The following INSR variants were observed in gnomAD, a reference collection of about 807,000 sequenced individuals.
INSR encodes IR.
INSR carries 67 observed loss-of-function variants against 142.6 expected under a neutral mutation model. The observed-to-expected ratio is 0.47, with a 90% CI of 0.39 to 0.58. INSR has a LOEUF of 0.58. Among genes scored for constraint, INSR ranks in the 20% least tolerant of loss-of-function variants. INSR has a pLI of 0.00. For missense variants in INSR, 1,248 were observed against 1,833.2 expected (o/e 0.68, Z 5.83); for synonymous variants, 756 against 743.1 (o/e 1.02, Z -0.28).
intron 9 of INSR, among the ~76,000 whole-genome samples, chr19:7,153,293 GCA>G (rs1973473371): frequency 3.3e-3 from 11 of 3,288 alleles, no homozygotes; most frequent in South Asian, 0.029. Flanking sequence ...ACCACACACC[GCA>G]CACACACCAC....
chr19:7,193,633 T>G (rs1205902697), intron 2 of INSR, among the ~76,000 whole-genome samples: 1 of 152,172 alleles, frequency 6.6e-6, no homozygotes, highest in Admixed American at 6.5e-5. Context: ...GTATGTGTAC[T>G]ATCCTGTCAA....
In INSR at chr19:7,152,804, TGA is replaced by T; in HGVS notation, c.2151_2152del (p.Gln718AspfsTer11). 6.2e-7 allele frequency: 1 copy of T among 1,613,572 alleles called. No individual in the cohort carries two copies. The highest frequency in any genetic ancestry group is 8.5e-7 in the Non-Finnish European group (1 of 1,179,944). Reference sequence around the variant, plus strand: ...GGACTCCTCCAGCTCCTTCAGGATCTGAGAGTCTGTCTTTGGACAGGAGCAGC... The same window carrying T: ...GGACTCCTCCAGCTCCTTCAGGATCTGAGTCTGTCTTTGGACAGGAGCAGC... On this transcript the variant is annotated frameshift_variant, in exon 10 of 22. Coordinates refer to ENST00000302850, the MANE Select transcript of INSR (RefSeq NM_000208.4). LOFTEE classifies it high-confidence loss of function.
chr19:7,195,425 T>C (rs1599984686), intron 2 of INSR, among the ~76,000 whole-genome samples: 1 of 151,986 alleles, frequency 6.6e-6, no homozygotes, highest in South Asian at 2.1e-4. Context: ...GGAAGATCAC[T>C]GGAGATCAGG....
At chr19:7,263,214 G>A (rs1977118134) in intron 2 of INSR, among the ~76,000 whole-genome samples, 2 of 151,964 alleles carry the variant, frequency 1.3e-5, no homozygotes, top group African/African-American at 4.8e-5. Flanking sequence ...AGGAGGCGGA[G>A]GTTGCAGTGA....
Position 7,141,778 on chromosome 19 carries a change from T to G in INSR, c.2581A>C (p.Ile861Leu). ...DDIVGPVTHE[I>L]FENNVVHLMW... Reference sequence around the variant, plus strand: ...AAGTGGACGACGTTGTTCTCAAAGATTTCATGCGTCACAGGGCCAACAATG... The same window carrying G: ...AAGTGGACGACGTTGTTCTCAAAGAGTTCATGCGTCACAGGGCCAACAATG... Residue 861 changes from isoleucine to leucine, a missense_variant, in exon 13 of 22, where the codon ATC (isoleucine) becomes CTC (leucine). By Grantham distance (5) the Ile-to-Leu change is conservative (BLOSUM62 2). Coordinates refer to ENST00000302850, the MANE Select transcript of INSR (RefSeq NM_000208.4). 1 of 1,614,182 alleles carries G rather than the reference T, an allele frequency of 6.2e-7. No homozygotes were observed. The highest frequency in any genetic ancestry group is 8.5e-7 in the Non-Finnish European group (1 of 1,180,028).
intron 2 of INSR, among the ~76,000 whole-genome samples, chr19:7,222,954 G>A (rs1379149823): frequency 6.6e-6 from 1 of 152,142 alleles, no homozygotes; most frequent in Non-Finnish European, 1.5e-5. Context: ...AGACTAAGGA[G>A]GGCGGATCAC....
At chr19:7,186,440 T>C (rs1434197654) in intron 2 of INSR, among the ~76,000 whole-genome samples, 1 of 152,178 alleles carries the variant, frequency 6.6e-6, no homozygotes, top group African/African-American at 2.4e-5. Flanking sequence ...GGCTTCTGAA[T>C]GTGCTTAGTG....
chr19:7,121,573 C>T (rs1183682989), intron 19 of INSR, among the ~76,000 whole-genome samples: 1 of 151,858 alleles, frequency 6.6e-6, no homozygotes, highest in Non-Finnish European at 1.5e-5. Flanking sequence ...CTCAAGCAAT[C>T]CTCCCACCCC....
intron 4 of INSR, 102 bp from the exon 5 acceptor site, chr19:7,172,536 G>T: frequency 7.9e-7 from 1 of 1,259,274 alleles, no homozygotes; most frequent in Non-Finnish European, 1.1e-6. Flanking sequence ...CAAATGACTG[G>T]ACATACCCAG....
Position 7,168,869 on chromosome 19 carries a change from G to A in INSR, c.1484-775C>T, listed in dbSNP as rs1973947851. On this transcript the variant is annotated intron_variant, in intron 6 of 21. Coordinates refer to ENST00000302850, the MANE Select transcript of INSR (RefSeq NM_000208.4). This position sits in a 1 kb window ranked among gnomAD's most constrained non-coding sequence, Gnocchi z 4.3. ...TCTGCCTGCCTCGGCCTCCCAGAGT[G>A]CTGGGATTCCAGGCGTGAGCCACCA... Among the ~76,000 whole-genome samples the A allele has an allele frequency of 6.6e-6, 1 of 152,078 alleles. No individual in the cohort carries two copies. Among genetic ancestry groups the A allele is most frequent in the Non-Finnish European group, 1.5e-5 (1 of 68,008 alleles).
In INSR at chr19:7,192,264, AAAGAAAAGAAAAG is replaced by A. The variant is rs946701238; in HGVS notation, c.653-7640_653-7628del. ...GGGAGGGAGGGAAGAAAAGAAAAGA[AAAGAAAAGAAAAG>A]AAAAGAAAAGAAAAGAAAAGAAAAG... On this transcript the variant is annotated intron_variant, in intron 2 of 21. Transcript: ENST00000302850. This position sits in a 1 kb window ranked among gnomAD's most constrained non-coding sequence, Gnocchi z 4.2. 4.0e-5 allele frequency among the ~76,000 whole-genome samples: 1 copy of A among 24,910 alleles called. No individual in the cohort carries two copies. The highest frequency in any genetic ancestry group is 8.5e-5 in the Non-Finnish European group (1 of 11,804). The allele number at this position is 24,910 out of a possible 152,430, so 16.3% of individuals were successfully genotyped here.
intron 2 of INSR, among the ~76,000 whole-genome samples, chr19:7,257,045 C>T (rs1389034967): frequency 2.0e-5 from 3 of 150,244 alleles, no homozygotes; most frequent in Non-Finnish European, 4.4e-5. Flanking sequence ...TGGGTTCAAG[C>T]GATTCTCCTG....
intron 2 of INSR, among the ~76,000 whole-genome samples, chr19:7,202,988 G>GTTT (rs1385976583): frequency 2.8e-5 from 3 of 108,254 alleles, no homozygotes; most frequent in African/African-American, 7.7e-5. Context: ...TTGGGGTGGG[G>GTTT]TTTTGTTGTT....
At chr19:7,227,392 C>T (rs1975820983) in intron 2 of INSR, among the ~76,000 whole-genome samples, 1 of 151,970 alleles carries the variant, frequency 6.6e-6, no homozygotes, top group African/African-American at 2.4e-5. Context: ...CTCAACTCAG[C>T]CTCTCAAGTA....
rs121913159 is a variant in INSR, at chr19:7,267,559, G to C, written c.438C>G (p.Ile146Met). The C allele has an allele frequency of 1.2e-6, 2 of 1,614,050 alleles. No homozygotes were observed. ...LMNITRGSVR[I>M]EKNNELCYLA... ...AGTAACAGAGCTCATTGTTCTTCTC[G>C]ATGCGGACAGAACCCCGGGTGATGT... The change falls in exon 2 of 22, where the codon ATC becomes ATG. Residue 146 changes from isoleucine to methionine, a missense_variant. By Grantham distance (10) the Ile-to-Met change is conservative (BLOSUM62 1). Transcript: ENST00000302850. This position sits in a 1 kb window ranked among gnomAD's most constrained non-coding sequence, Gnocchi z 6.3.
In INSR at chr19:7,294,001, T is replaced by G; in HGVS notation, c.-110A>C. 9 of 1,057,250 alleles carry G rather than the reference T, an allele frequency of 8.5e-6. No individual in the cohort carries two copies. The highest frequency in any genetic ancestry group is 8.1e-6 in the Non-Finnish European group (7 of 866,404). 65.5% of individuals were successfully genotyped at this position (1,057,250 alleles called of 1,614,324 possible). A position where few individuals can be genotyped will look rare whatever the true frequency, so the allele number is the denominator to read the frequency against. On this transcript the variant is annotated 5_prime_UTR_variant, in exon 1 of 22. Coordinates refer to ENST00000302850, the MANE Select transcript of INSR (RefSeq NM_000208.4). ...GCGCTGGGGGCCGCGCGTCCTTCTC[T>G]TCCACGCCCGCGACCCGCGGGCCGC... is the stretch of plus-strand genomic sequence containing the variant.
At chr19:7,252,267 C>A (rs957940260) in intron 2 of INSR, among the ~76,000 whole-genome samples, 3 of 152,006 alleles carry the variant, frequency 2.0e-5, no homozygotes, top group Non-Finnish European at 4.4e-5. Context: ...AAAAAAGTAG[C>A]CAGGCGTGGT....
At chr19:7,162,016 CTACAAAAAGAAGT>C (rs1973761813) in intron 9 of INSR, among the ~76,000 whole-genome samples, 3 of 152,012 alleles carry the variant, frequency 2.0e-5, no homozygotes, top group Admixed American at 2.0e-4. Context: ...GACTCCATCT[CTACAAAAAGAAGT>C]TTAAAAATTA....
Position 7,119,389 on chromosome 19 carries a change from G to T in INSR, c.3794+60C>A. 1 of 1,595,236 alleles carries T rather than the reference G, an allele frequency of 6.3e-7. No individual in the cohort carries two copies. Among genetic ancestry groups the T allele is most frequent in the South Asian group, 1.1e-5 (1 of 90,604 alleles). ...AGGAAAGGCAAAACCAAGCACACGTGTAAAGGGCAATACCCTTTCAACGAA... is the reference window on the plus strand; with the variant it reads ...AGGAAAGGCAAAACCAAGCACACGTTTAAAGGGCAATACCCTTTCAACGAA... On this transcript the variant is annotated intron_variant, in intron 21 of 21. Transcript: ENST00000302850. The surrounding 1 kb of genome is among the most constrained non-coding windows in gnomAD (Gnocchi z 5.2).
Sources: gnomAD v4.1 joint callset for allele counts (sites outside exome capture counted in the v4.1 genomes callset) on GRCh38, gnomAD v4.1.1 for gene constraint, Gnocchi (gnomAD v3.1) non-coding constraint, MANE v1.5 for transcripts, NCBI Gene and HGNC (gene_info 2026-07-23, HGNC 2026-07-21) for gene names.